The following USP34 variants were observed in gnomAD, a reference collection of about 807,000 sequenced individuals.
USP34 encodes the protein ubiquitin specific peptidase 34, also known as ubiquitin carboxyl-terminal hydrolase 34.
Under a neutral mutation model 460.3 loss-of-function variants are expected in USP34, and 70 were observed. That is an observed-to-expected ratio of 0.15 (90% CI 0.13 to 0.19). The LOEUF (loss-of-function observed/expected upper bound fraction) is 0.19, where lower values mean the gene tolerates loss of function less well. Among genes scored for constraint, USP34 ranks in the 10% least tolerant of loss-of-function variants. The pLI, the probability that USP34 is intolerant of heterozygous loss-of-function variation, is 1.00. For missense variants in USP34, 3,985 were observed against 4,236.2 expected (o/e 0.94, Z 1.65); for synonymous variants, 1,647 against 1,405.3 (o/e 1.17, Z -3.85).
intron 66 of USP34, 41 bp from the exon 67 acceptor site, chr2:61,220,498 A>C (rs199525213): frequency 1.3e-4 from 201 of 1,533,624 alleles, no homozygotes; most frequent in Admixed American, 4.1e-5. Context: ...AGGCCAACTG[A>C]ATGAGCAATT....
intron 1 of USP34, among the ~76,000 whole-genome samples, chr2:61,466,658 T>C (rs990899690): frequency 2.6e-5 from 4 of 152,184 alleles, no homozygotes; most frequent in African/African-American, 9.6e-5. Flanking sequence ...ACTCCTGTAA[T>C]TGCAGCACTT....
At chr2:61,411,611 C>T (rs1313049421) in intron 2 of USP34, among the ~76,000 whole-genome samples, 1 of 152,114 alleles carries the variant, frequency 6.6e-6, no homozygotes, top group East Asian at 1.9e-4. Context: ...CCAAACTATG[C>T]TGATAGCTGT....
At chr2:61,323,768 T>C (rs1400581729) in intron 21 of USP34, among the ~76,000 whole-genome samples, 5 of 152,234 alleles carry the variant, frequency 3.3e-5, no homozygotes, top group African/African-American at 1.2e-4. Context: ...ATGTTGACTA[T>C]ATGTGTTTTA....
At chr2:61,408,828 G>A (rs192728037) in intron 2 of USP34, among the ~76,000 whole-genome samples, 1 of 152,016 alleles carries the variant, frequency 6.6e-6, no homozygotes, top group Non-Finnish European at 1.5e-5. Flanking sequence ...GGGAGGCGGA[G>A]GTTGCAGTGA....
intron 1 of USP34, among the ~76,000 whole-genome samples, chr2:61,461,315 C>T (rs1334361809): frequency 2.0e-5 from 3 of 151,620 alleles, no homozygotes; most frequent in Non-Finnish European, 2.9e-5. Flanking sequence ...ATCACTTGAA[C>T]CTGGGAGGCA....
intron 5 of USP34, among the ~76,000 whole-genome samples, chr2:61,386,202 A>T (rs1693140096): frequency 6.6e-6 from 1 of 152,052 alleles, no homozygotes; most frequent in Non-Finnish European, 1.5e-5. Context: ...GGCATGAGTC[A>T]CCTGTAACCA....
At chr2:61,441,802 C>CAAAAAAAAAAAA (rs70963429) in intron 1 of USP34, among the ~76,000 whole-genome samples, 5 of 97,330 alleles carry the variant, frequency 5.1e-5, no homozygotes, top group Admixed American at 1.1e-4. Context: ...GACTGCATTA[C>CAAAAAAAAAAAA]AAAAAAAAAA....
intron 71 of USP34, 143 bp downstream of exon 71, chr2:61,206,617 T>A (rs1243313363): frequency 3.7e-6 from 4 of 1,081,922 alleles, no homozygotes; most frequent in Non-Finnish European, 5.1e-6. Context: ...ATGACAAACA[T>A]TTCCTGATGG....
chr2:61,432,286 TAACA>T (rs1465520400), intron 1 of USP34, among the ~76,000 whole-genome samples: 1 of 151,970 alleles, frequency 6.6e-6, no homozygotes, highest in African/African-American at 2.4e-5. Context: ...CCAGCCTGGA[TAACA>T]TGGCAAAACC....
chr2:61,294,161 T>G (rs1689948703), intron 32 of USP34, among the ~76,000 whole-genome samples: 1 of 151,804 alleles, frequency 6.6e-6, no homozygotes, highest in Non-Finnish European at 1.5e-5. Context: ...CTGGCTAACA[T>G]GGTGAAACCC....
chr2:61,221,593 A>G lies in USP34; in HGVS notation c.7808T>C (p.Phe2603Ser). ...CATTAGCATAGTCAACAACTTAAAG[A>G]AAGGATTGGCTGCCTGTAAAACACA... The part of the protein sequence containing the change: ...AKLTPEAANP[F>S]FKLLTMLMEF... The change falls in exon 66 of 80, where the codon TTC (phenylalanine) becomes TCC (serine). Residue 2603 changes from phenylalanine to serine, a missense_variant. Physicochemically the swap from Phe to Ser is radical, Grantham distance 155 (BLOSUM62 -2). This residue lies in a region of USP34 where 604 missense variants were observed against 684.8 expected (regional missense o/e 0.88). Coordinates refer to ENST00000398571, the MANE Select transcript of USP34 (RefSeq NM_014709.4). 6.2e-7 allele frequency: 1 copy of G among 1,614,050 alleles called. No homozygotes were observed. The highest frequency in any genetic ancestry group is 8.5e-7 in the Non-Finnish European group (1 of 1,179,952).
chr2:61,283,641 G>C (rs1689602762), intron 35 of USP34, among the ~76,000 whole-genome samples, 192 bp from the exon 36 acceptor site: 1 of 152,036 alleles, frequency 6.6e-6, no homozygotes. Context: ...ACAGGAGACA[G>C]GGTCTCACTC....
chr2:61,315,051 T>A, intron 23 of USP34, 77 bp from the exon 24 acceptor site: 2 of 1,087,440 alleles, frequency 1.8e-6, no homozygotes, highest in Non-Finnish European at 2.7e-6. Context: ...GTATCAAAAG[T>A]AAAAATCATA....
intron 78 of USP34, chr2:61,189,483 ATTG>A (rs148803774): frequency 6.5e-6 from 1 of 154,960 alleles, no homozygotes; most frequent in Non-Finnish European, 1.4e-5. Flanking sequence ...CATGTTGGCC[ATTG>A]AGATGGTCTC....
intron 27 of USP34, among the ~76,000 whole-genome samples, chr2:61,302,241 T>C (rs553071626): frequency 2.0e-5 from 3 of 152,238 alleles, no homozygotes. Flanking sequence ...AAAACTCCAC[T>C]GAACAGACAC....
At chr2:61,246,876 C>T (rs1377309940) in intron 49 of USP34, among the ~76,000 whole-genome samples, 7 of 151,874 alleles carry the variant, frequency 4.6e-5, no homozygotes, top group Admixed American at 4.6e-4. Flanking sequence ...TAAAATGCTC[C>T]ATTCTATTTA....
chr2:61,390,873 C>T (rs1302157848), intron 5 of USP34, among the ~76,000 whole-genome samples: 1 of 150,930 alleles, frequency 6.6e-6, no homozygotes, highest in African/African-American at 2.4e-5. Flanking sequence ...GAGGTGGGGG[C>T]ATCGCAAGGT....
Position 61,281,192 on chromosome 2 carries a change from T to C in USP34, c.5049A>G (p.Ser1683=). ...TGATTGAGTCTCCTCCATCCAGCCC[T>C]GACAGGGATAACTTATAGAGACCAC... ...SCSGLYKLSL[S]GLDGGDSINR... The change falls in exon 38 of 80, where the codon TCA becomes TCG. Residue 1683 remains serine (S), a synonymous_variant. Coordinates refer to ENST00000398571, the MANE Select transcript of USP34 (RefSeq NM_014709.4). The C allele has an allele frequency of 1.2e-6, 2 of 1,614,112 alleles. No homozygotes were observed. Among genetic ancestry groups the C allele is most frequent in the Non-Finnish European group, 8.5e-7 (1 of 1,179,980 alleles).
intron 10 of USP34, among the ~76,000 whole-genome samples, chr2:61,367,087 C>T (rs986176909): frequency 6.6e-6 from 1 of 152,052 alleles, no homozygotes; most frequent in Non-Finnish European, 1.5e-5. Flanking sequence ...CCAGTACAGA[C>T]AAGAGATATG....
Sources: gnomAD v4.1 joint callset for allele counts (sites outside exome capture counted in the v4.1 genomes callset) on GRCh38, gnomAD v4.1.1 for gene constraint, gnomAD v4.1.1 regional missense constraint, MANE v1.5 for transcripts, NCBI Gene and HGNC (gene_info 2026-07-23, HGNC 2026-07-21) for gene names.